The following PPIE variants were observed in gnomAD, a reference collection of about 807,000 sequenced individuals.
The protein encoded by PPIE is peptidylprolyl isomerase E, also known as peptidyl-prolyl cis-trans isomerase E.
A neutral mutation model predicts 38.4 loss-of-function variants in PPIE; 20 were observed. The ratio of observed to expected loss-of-function variants is 0.52; its 90% CI spans 0.37 to 0.76. The LOEUF is 0.76. Among genes scored for constraint, PPIE ranks in the 30% least tolerant of loss-of-function variants. The probability of loss-of-function intolerance (pLI) is 0.00; values close to 1 mark genes in which losing one functional copy is unlikely to be tolerated. For missense variants in PPIE, 322 were observed against 385.8 expected, an observed-to-expected ratio of 0.83 and a Z score of 1.39; for synonymous variants, 142 against 135.7, an observed-to-expected ratio of 1.05 and a Z score of -0.32.
rs1648096724 is a variant in PPIE at position 39,754,814 on chromosome 1, T to G, written c.*1459T>G. 6.6e-6 allele frequency among the ~76,000 whole-genome samples: 1 copy of G among 152,164 alleles called. No individual in the cohort carries two copies. The highest frequency in any genetic ancestry group is 1.5e-5 in the Non-Finnish European group (1 of 68,012). ...TTGAGGCTGCAGTCAGCCATGGTCA[T>G]GCCACTGTACTCCAGCCTGGGTGAC... On this transcript the variant is annotated 3_prime_UTR_variant, in exon 10 of 10. Transcript: ENST00000324379.
chr1:39,751,726 A>G (rs975960057), intron 8 of PPIE, among the ~76,000 whole-genome samples: 1 of 152,132 alleles, frequency 6.6e-6, no homozygotes, highest in Non-Finnish European at 1.5e-5. Flanking sequence ...ATTGCAGAAC[A>G]TCTAGCATTC....
Position 39,753,032 on chromosome 1 carries a change from G to C in PPIE, c.817G>C (p.Asp273His), listed in dbSNP as rs774265713. The change falls in exon 9 of 10, where the codon GAT becomes CAT. Residue 273 changes from aspartate to histidine, a missense_variant. Transcript: ENST00000324379. ...GTTTGGAGAGGTCACCGAAGGCCTA[G>C]ATGTCTTGCGGCAAATTGAGGTATG... is the stretch of plus-strand genomic sequence containing the variant. The part of the protein sequence containing the change: ...VVFGEVTEGL[D>H]VLRQIEAQGS... 1.9e-6 allele frequency: 3 copies of C among 1,614,214 alleles called. No homozygotes were observed. The South Asian group carries it at 3.3e-5, about 18-fold the overall frequency.
chr1:39,741,210 G>C (rs1299629167), intron 2 of PPIE, among the ~76,000 whole-genome samples, 156 bp from the exon 3 acceptor site: 1 of 152,060 alleles, frequency 6.6e-6, no homozygotes, highest in Non-Finnish European at 1.5e-5. Context: ...TATTGTATAA[G>C]AAGAATCAAG....
At chr1:39,763,300 A>T in intron 9 of PPIE, 1 of 1,223,938 alleles carries the variant, frequency 8.2e-7, no homozygotes, top group Non-Finnish European at 1.2e-6. Context: ...GTCTCCCCCA[A>T]GAGGCTTGAA....
downstream of PPIE, chr1:39,760,067 A>G (rs141541760): frequency 4.1e-5 from 12 of 290,978 alleles, no homozygotes; most frequent in African/African-American, 8.6e-5. Context: ...TTCCACATCT[A>G]TCTCACGACC....
At chr1:39,746,789 T>C (rs1647220261) in intron 7 of PPIE, 2 of 152,386 alleles carry the variant, frequency 1.3e-5, no homozygotes, top group East Asian at 1.9e-4. Flanking sequence ...CTATTTTGTT[T>C]TCTAACTTCA....
At chr1:39,762,051 C>A (rs1296948654) in intron 9 of PPIE, among the ~76,000 whole-genome samples, 3 of 152,234 alleles carry the variant, frequency 2.0e-5, no homozygotes, top group African/African-American at 7.2e-5. Flanking sequence ...TAAAGGGTGG[C>A]TGGGCTGGGC....
downstream of PPIE, chr1:39,760,451 T>G (rs1557467030): frequency 6.2e-7 from 1 of 1,614,112 alleles, no homozygotes; most frequent in East Asian, 2.2e-5. Flanking sequence ...ACCACCATGT[T>G]GCGGTGCTTG....
rs1009904734 is a variant in PPIE at position 39,763,120 on chromosome 1, G to A, written c.838-569G>A. The A allele has an allele frequency of 1.1e-5, 17 of 1,613,954 alleles. No homozygotes were observed. Among genetic ancestry groups the A allele is most frequent in the Non-Finnish European group, 1.4e-5 (17 of 1,179,978 alleles). ...GGACTGCAGGATGGCGTGGTTGGTG[G>A]CATTCATGCAGGAGTCCAGTGGGAA... is the stretch of plus-strand genomic sequence containing the variant. On this transcript the variant is annotated intron_variant, in intron 9 of 9. Coordinates refer to the PPIE transcript ENST00000356511.
At position 39,738,941 on chromosome 1, in the gene PPIE, A is replaced by T. The variant is rs756366999; in HGVS notation, c.31+10A>T. 3 of 1,470,860 alleles carry T rather than the reference A, an allele frequency of 2.0e-6. No individual in the cohort carries two copies. Among genetic ancestry groups the T allele is most frequent in the Non-Finnish European group, 2.7e-6 (3 of 1,109,264 alleles). The allele number at this position is 1,470,860 out of a possible 1,614,324, so 91.1% of individuals were successfully genotyped here. A position where few individuals can be genotyped will look rare whatever the true frequency, so the allele number is the denominator to read the frequency against. On this transcript the variant is annotated intron_variant, in intron 1 of 9. Coordinates refer to ENST00000324379, the MANE Select transcript of PPIE (RefSeq NM_006112.4). ...CGCGTCTTGTACGTGGGTGAGCAGG[A>T]GGGGTTGCTAGGCGGAGTCTGAGTG...
intron 6 of PPIE, among the ~76,000 whole-genome samples, chr1:39,745,043 T>C (rs1647158352): frequency 1.3e-5 from 2 of 151,738 alleles, no homozygotes; most frequent in African/African-American, 4.8e-5. Context: ...ATACTGAGAG[T>C]TGTGGATCAT....
At position 39,742,230 on chromosome 1, in the gene PPIE, A is replaced by G; in HGVS notation, c.201+309A>G. The G allele has an allele frequency of 1.5e-5, 4 of 267,562 alleles. No homozygotes were observed. The South Asian group carries it at 2.2e-4, about 15-fold the overall frequency. The allele number at this position is 267,562 out of a possible 1,614,324, so 16.6% of individuals were successfully genotyped here. On this transcript the variant is annotated intron_variant, in intron 4 of 9. Coordinates refer to ENST00000324379, the MANE Select transcript of PPIE (RefSeq NM_006112.4). Reference sequence around the variant, plus strand: ...GCACGGTGTAACTGCATATTTTGCAAAATAGCAGGATTTCATGAAGTGTTA... The same window carrying G: ...GCACGGTGTAACTGCATATTTTGCAGAATAGCAGGATTTCATGAAGTGTTA...
chr1:39,744,069 A>G (rs958519879), intron 6 of PPIE, 145 bp downstream of exon 6: 2 of 589,982 alleles, frequency 3.4e-6, no homozygotes, highest in Admixed American at 3.0e-5. Flanking sequence ...GGTAAAGTCA[A>G]TATTGAGTTC....
chr1:39,757,835 C>T (rs1648453246), downstream of PPIE: 1 of 152,216 alleles, frequency 6.6e-6, no homozygotes, highest in South Asian at 2.1e-4. Flanking sequence ...ACAATTGTTT[C>T]ATTGCTCAAG....
In PPIE at chr1:39,748,810, A is replaced by G. The variant is rs1374293618; in HGVS notation, c.509-93A>G. 8.3e-6 allele frequency: 10 copies of G among 1,204,002 alleles called. No individual in the cohort carries two copies. The East Asian group carries it at 1.0e-4, about 12-fold the overall frequency. The allele number at this position is 1,204,002 out of a possible 1,614,324, so 74.6% of individuals were successfully genotyped here. A position where few individuals can be genotyped will look rare whatever the true frequency, so the allele number is the denominator to read the frequency against. ...TTATAATGAGTATCTCTTATTTTAA[A>G]ACAAAAATATGAACACTAAACCAAA... On this transcript the variant is annotated intron_variant, in intron 7 of 9. Coordinates refer to ENST00000324379, the MANE Select transcript of PPIE (RefSeq NM_006112.4).
intron 1 of PPIE, 190 bp from the exon 2 acceptor site, chr1:39,739,975 T>G: frequency 1.9e-6 from 1 of 536,196 alleles, no homozygotes; most frequent in African/African-American, 1.9e-5. Flanking sequence ...TAGATGAGAG[T>G]CTGAAAGAAG....
chr1:39,741,948 T>A (rs780500131), intron 4 of PPIE, 27 bp downstream of exon 4: 7 of 1,613,830 alleles, frequency 4.3e-6, no homozygotes, highest in Middle Eastern at 1.6e-4. Context: ...TAATTCTAAC[T>A]AAAGTTGCTT....
intron 9 of PPIE, among the ~76,000 whole-genome samples, chr1:39,762,072 G>T (rs569083356): frequency 3.3e-5 from 5 of 152,302 alleles, no homozygotes; most frequent in African/African-American, 9.6e-5. Flanking sequence ...CGCCCCACGC[G>T]TCCTCATCAT....
At position 39,740,222 on chromosome 1, in the gene PPIE, G is replaced by T; in HGVS notation, c.89G>T (p.Gly30Val). Residue 30 changes from glycine (G) to valine (V), a missense_variant, in exon 2 of 10, where the codon GGA becomes GTA. By Grantham distance (109) the Gly-to-Val change is moderately radical (BLOSUM62 -3). Transcript: ENST00000324379. ...KVLHAAFIPF[G>V]DITDIQIPLD... ...CTTCATGCTGCGTTCATTCCTTTTG[G>T]AGACATCACAGATATTCAGATTCCT... The T allele has an allele frequency of 6.2e-7, 1 of 1,614,154 alleles. No homozygotes were observed. The highest frequency in any genetic ancestry group is 8.5e-7 in the Non-Finnish European group (1 of 1,180,002).
Sources: allele counts gnomAD v4.1 joint callset (sites outside exome capture counted in the v4.1 genomes callset), GRCh38; gene constraint gnomAD v4.1.1; transcripts MANE v1.5; gene names NCBI Gene and HGNC (gene_info 2026-07-23, HGNC 2026-07-21).